EPRS1: variants seen among roughly 807,000 people sequenced by gnomAD.
EPRS1 encodes glutamyl-prolyl-tRNA synthetase 1.
A neutral mutation model predicts 188.3 loss-of-function variants in EPRS1; 107 were observed. That is an observed-to-expected ratio of 0.57 (90% confidence interval 0.49 to 0.67). The LOEUF (loss-of-function observed/expected upper bound fraction) is 0.67, where lower values mean the gene tolerates loss of function less well. Among genes scored for constraint, EPRS1 ranks in the 30% least tolerant of loss-of-function variants. EPRS1 has a pLI of 0.00. For missense variants in EPRS1, 1,577 were observed against 1,802.2 expected, an observed-to-expected ratio of 0.88 and a Z score of 2.26; for synonymous variants, 596 against 593.1, an observed-to-expected ratio of 1.00 and a Z score of -0.07.
chr1:219,998,652 T>C (rs139672697), intron 17 of EPRS1, among the ~76,000 whole-genome samples: 1 of 151,712 alleles, frequency 6.6e-6, no homozygotes, highest in African/African-American at 2.4e-5. Context: ...AAGTGATTAC[T>C]GTTCCTCAAC....
chr1:219,982,789 C>T lies in EPRS1; in HGVS notation c.3356G>A (p.Arg1119His). The change falls in exon 23 of 32, where the codon CGT becomes CAT. Residue 1119 changes from arginine to histidine, a missense_variant. Coordinates refer to ENST00000366923, the MANE Select transcript of EPRS1 (RefSeq NM_004446.3). ...ATTCTCACCTGTTTCACTAGTAGGA[C>T]GAATGGCAATTGGTTCTGCCAGCTC... ...KTELAEPIAIRPTSETVMYPA... is the reference protein window; with the variant it reads ...KTELAEPIAIHPTSETVMYPA... 1 of 1,613,954 alleles carries T rather than the reference C, an allele frequency of 6.2e-7. No individual in the cohort carries two copies. Among genetic ancestry groups the T allele is most frequent in the Non-Finnish European group, 8.5e-7 (1 of 1,179,852 alleles).
At chr1:220,003,545 G>C (rs959092965) in intron 16 of EPRS1, among the ~76,000 whole-genome samples, 9 of 152,076 alleles carry the variant, frequency 5.9e-5, no homozygotes, top group African/African-American at 1.9e-4. Context: ...CTTACATTTA[G>C]GTCTTTGATA....
chr1:220,018,307 A>G (rs1277561955), intron 12 of EPRS1, 142 bp downstream of exon 12: 22 of 927,542 alleles, frequency 2.4e-5, no homozygotes, highest in Non-Finnish European at 3.5e-5. Flanking sequence ...AAAAAAGGAA[A>G]ACATTCCATT....
At chr1:219,982,883 T>A in intron 22 of EPRS1, 39 bp from the exon 23 acceptor site, 2 of 1,576,730 alleles carry the variant, frequency 1.3e-6, no homozygotes, top group African/African-American at 2.7e-5. Flanking sequence ...TTTTTTTCAA[T>A]AGCATTTTGG....
chr1:220,032,137 C>T (rs1476391177), intron 5 of EPRS1, among the ~76,000 whole-genome samples: 2 of 151,610 alleles, frequency 1.3e-5, no homozygotes, highest in African/African-American at 2.4e-5. Context: ...TGCAGTGGCG[C>T]GATCTCGGCT....
chr1:220,044,340 C>G (rs959856271), intron 1 of EPRS1, among the ~76,000 whole-genome samples: 12 of 152,014 alleles, frequency 7.9e-5, no homozygotes, highest in African/African-American at 2.9e-4. Context: ...TTCAAAATGA[C>G]AAGAGTTTCA....
At chr1:220,027,364 C>T (rs1007911817) in intron 6 of EPRS1, among the ~76,000 whole-genome samples, 2 of 151,158 alleles carry the variant, frequency 1.3e-5, no homozygotes, top group Admixed American at 1.3e-4. Flanking sequence ...GGAGGTGGAG[C>T]TTGCAGTGAG....
intron 14 of EPRS1, 36 bp downstream of exon 14, chr1:220,007,163 TCTC>T (rs771391174): frequency 6.5e-7 from 1 of 1,542,990 alleles, no homozygotes; most frequent in East Asian, 2.3e-5. Context: ...AAAATACTTT[TCTC>T]CTATGTTTAT....
chr1:219,980,688 A>C, intron 25 of EPRS1, 68 bp downstream of exon 25: 2 of 1,112,062 alleles, frequency 1.8e-6, no homozygotes, highest in South Asian at 1.3e-5. Context: ...TACATTTTAA[A>C]TAACAAAATT....
rs142330322 is a variant in EPRS1 at position 220,032,903 on chromosome 1, C to A, written c.389-377G>T. Reference sequence around the variant, plus strand: ...GTGTGTGTGTATGTATATATACACACACATATATATGTCAAAATTTATCAA... The same window carrying A: ...GTGTGTGTGTATGTATATATACACAAACATATATATGTCAAAATTTATCAA... On this transcript the variant is annotated intron_variant, in intron 4 of 31. Coordinates refer to ENST00000366923, the MANE Select transcript of EPRS1 (RefSeq NM_004446.3). Among the ~76,000 whole-genome samples, 163 of 152,014 alleles carry A rather than the reference C, an allele frequency of 1.1e-3. 2 individuals carry two copies. In the East Asian group the frequency reaches 0.027, roughly 25 times the overall value.
chr1:220,015,221 T>C (rs1661678536), intron 12 of EPRS1, among the ~76,000 whole-genome samples: 1 of 152,002 alleles, frequency 6.6e-6, no homozygotes. Context: ...TCCCAGCACT[T>C]TGGGAGGCTG....
chr1:219,974,100 TGCCTG>T (rs934818384), intron 28 of EPRS1, among the ~76,000 whole-genome samples: 2 of 152,080 alleles, frequency 1.3e-5, no homozygotes, highest in African/African-American at 4.8e-5. Flanking sequence ...CCTACCACCA[TGCCTG>T]GCTAATTTTT....
At chr1:220,020,892 C>G (rs1483541632) in intron 9 of EPRS1, among the ~76,000 whole-genome samples, 2 of 123,168 alleles carry the variant, frequency 1.6e-5, no homozygotes, top group African/African-American at 3.0e-5. Context: ...TGCTTTCTTT[C>G]TTTTTTTTTG....
rs769073922 is a variant in EPRS1 at position 219,983,366 on chromosome 1, A to G, written c.3123T>C (p.His1041=). ...VITKSEMIEY[H]DISGCYILRP... ...GAAGAATATAACAGCCACTTATGTCATGGTATTCAATCATTTCTGACTTTG... is the reference window on the plus strand; with the variant it reads ...GAAGAATATAACAGCCACTTATGTCGTGGTATTCAATCATTTCTGACTTTG... The change falls in exon 22 of 32, where the codon CAT becomes CAC. Residue 1041 remains histidine, a synonymous_variant. Coordinates refer to ENST00000366923, the MANE Select transcript of EPRS1 (RefSeq NM_004446.3). 1 of 1,613,730 alleles carries G rather than the reference A, an allele frequency of 6.2e-7. No homozygotes were observed. The highest frequency in any genetic ancestry group is 2.2e-5 in the East Asian group (1 of 44,836).
intron 30 of EPRS1, 34 bp from the exon 31 acceptor site, chr1:219,969,156 T>G (rs1558267409): frequency 7.3e-7 from 1 of 1,376,852 alleles, no homozygotes; most frequent in Non-Finnish European, 1.0e-6. Flanking sequence ...TCAGTATTTA[T>G]AACTCCTTCA....
intron 9 of EPRS1, among the ~76,000 whole-genome samples, chr1:220,021,476 G>T (rs952504717): frequency 2.0e-5 from 3 of 152,152 alleles, no homozygotes; most frequent in African/African-American, 7.2e-5. Flanking sequence ...TGGCATTACA[G>T]GCATGAGCCA....
chr1:219,997,365 G>C, intron 17 of EPRS1, 23 bp from the exon 18 acceptor site: 1 of 1,512,814 alleles, frequency 6.6e-7, no homozygotes, highest in Non-Finnish European at 8.8e-7. Context: ...AAAACCAAAA[G>C]TAAAATAATT....
intron 18 of EPRS1, among the ~76,000 whole-genome samples, chr1:219,990,873 C>T (rs1661107359): frequency 6.6e-6 from 1 of 152,092 alleles, no homozygotes; most frequent in African/African-American, 2.4e-5. Context: ...ACAGCAGAAG[C>T]TGAGAGAGCA....
chr1:220,035,140 A>T, intron 2 of EPRS1, 127 bp from the exon 3 acceptor site: 1 of 578,286 alleles, frequency 1.7e-6, no homozygotes, highest in South Asian at 2.2e-5. Flanking sequence ...TATAGTAAAA[A>T]ATAGATCTGT....
Sources: gnomAD v4.1 joint callset for allele counts (sites outside exome capture counted in the v4.1 genomes callset) on GRCh38, gnomAD v4.1.1 for gene constraint, MANE v1.5 for transcripts, NCBI Gene and HGNC (gene_info 2026-07-23, HGNC 2026-07-21) for gene names.